CLPTM1: variants seen among roughly 807,000 people sequenced by gnomAD.
CLPTM1 encodes putative lipid scramblase CLPTM1.
CLPTM1 carries 21 observed loss-of-function variants against 77.3 expected under a neutral mutation model. That is an observed-to-expected ratio of 0.27 (90% CI 0.19 to 0.39). CLPTM1 has a LOEUF of 0.39. Ranked by LOEUF, CLPTM1 falls within the 10% of genes least tolerant of loss-of-function variation. The pLI, the probability that CLPTM1 is intolerant of heterozygous loss-of-function variation, is 1.00. For missense variants in CLPTM1, 642 were observed against 921.2 expected (o/e 0.70, Z 3.92); for synonymous variants, 373 against 381.0 (o/e 0.98, Z 0.24).
At chr19:44,980,508 CA>C (rs74516090) in intron 5 of CLPTM1, among the ~76,000 whole-genome samples, 52,556 of 93,072 alleles carry the variant, frequency 0.56, 11,509 homozygotes, top group Middle Eastern at 0.68. Context: ...GACTCCATCT[CA>C]AAAAAAAAAA....
chr19:44,963,631 T>C (rs529656596), intron 2 of CLPTM1, among the ~76,000 whole-genome samples: 7 of 151,202 alleles, frequency 4.6e-5, no homozygotes, highest in Non-Finnish European at 1.0e-4. Flanking sequence ...AGCCTATTTT[T>C]ATTTTTGTAA....
chr19:44,975,554 GTTTTTTT>G (rs994649493), intron 4 of CLPTM1, among the ~76,000 whole-genome samples: 1 of 147,774 alleles, frequency 6.8e-6, no homozygotes, highest in Non-Finnish European at 1.5e-5. Flanking sequence ...AGTCATTCTG[GTTTTTTT>G]TTTTGTTTTT....
At chr19:44,961,194 A>G (rs539659937) in intron 1 of CLPTM1, among the ~76,000 whole-genome samples, 1 of 152,056 alleles carries the variant, frequency 6.6e-6, no homozygotes, top group African/African-American at 2.4e-5. Context: ...TGGCCTCAGG[A>G]TTAGTGTGCT....
chr19:44,992,484 C>T lies in CLPTM1; in HGVS notation c.1723+84C>T, dbSNP rs137928795. On this transcript the variant is annotated intron_variant, in intron 13 of 13. Coordinates refer to ENST00000337392, the MANE Select transcript of CLPTM1 (RefSeq NM_001294.4). This position sits in a 1 kb window ranked among gnomAD's most constrained non-coding sequence, Gnocchi z 7.7. ...AGGGCCCAGGCCTGAGGGGGTGCCA[C>T]GGCCCCAGATGGGGTGCTCAGTCTG... 5.3e-3 allele frequency: 8,494 copies of T among 1,590,682 alleles called. 49 individuals are homozygous for T. Among genetic ancestry groups the T allele is most frequent in the Middle Eastern group, 0.038 (225 of 5,972 alleles).
chr19:44,992,135 G>T lies in CLPTM1; in HGVS notation c.1556-98G>T, dbSNP rs964056677. 1.1e-5 allele frequency: 14 copies of T among 1,289,386 alleles called. No individual in the cohort carries two copies. The highest frequency in any genetic ancestry group is 1.5e-5 in the Non-Finnish European group (14 of 910,512). The allele number at this position is 1,289,386 out of a possible 1,614,324, so 79.9% of individuals were successfully genotyped here. On this transcript the variant is annotated intron_variant, in intron 12 of 13. Transcript: ENST00000337392. This position sits in a 1 kb window ranked among gnomAD's most constrained non-coding sequence, Gnocchi z 7.7. Reference sequence around the variant, plus strand: ...ATAGGAAGTGGTAGAGTGTGCCCAGGTGTAGGAAGTGGTGAGGGGGCTGGT... The same window carrying T: ...ATAGGAAGTGGTAGAGTGTGCCCAGTTGTAGGAAGTGGTGAGGGGGCTGGT...
chr19:44,985,659 G>A (rs928563923), intron 6 of CLPTM1, among the ~76,000 whole-genome samples: 1 of 152,176 alleles, frequency 6.6e-6, no homozygotes, highest in African/African-American at 2.4e-5. Context: ...GCTCAGCCTG[G>A]CTCCAAGCAC....
Position 44,991,059 on chromosome 19 carries a change from A to G in CLPTM1, c.1419+114A>G, listed in dbSNP as rs1452625257. The G allele has an allele frequency of 1.2e-5, 15 of 1,294,552 alleles. No individual in the cohort carries two copies. The highest frequency in any genetic ancestry group is 1.6e-5 in the Non-Finnish European group (15 of 916,908). 80.2% of individuals were successfully genotyped at this position (1,294,552 alleles called of 1,614,324 possible). ...ACCCATGCTTTACAGCCTGTGCCAC[A>G]TCCTCTGTGTCCCCCATCTGCCATA... is the stretch of plus-strand genomic sequence containing the variant. On this transcript the variant is annotated intron_variant, in intron 11 of 13. Transcript: ENST00000337392. This position sits in a 1 kb window ranked among gnomAD's most constrained non-coding sequence, Gnocchi z 5.4.
In CLPTM1 at chr19:44,974,168, C is replaced by T. The variant is rs373689120; in HGVS notation, c.310-271C>T. On this transcript the variant is annotated intron_variant, in intron 3 of 13. Coordinates refer to ENST00000337392, the MANE Select transcript of CLPTM1 (RefSeq NM_001294.4). ...AGGGCAGGAGATCATTCAGGGAGCT[C>T]CTGCCCCTTCCTACCCCTAAATTCT... 3.3e-5 allele frequency among the ~76,000 whole-genome samples: 5 copies of T among 152,184 alleles called. No homozygotes were observed. The South Asian group carries it at 6.2e-4, about 19-fold the overall frequency.
At chr19:44,985,389 A>G in intron 6 of CLPTM1, 86 bp downstream of exon 6, 1 of 912,592 alleles carries the variant, frequency 1.1e-6, no homozygotes, top group Admixed American at 2.0e-5. Flanking sequence ...GTCATCTGTC[A>G]CCACCACTGA....
intron 2 of CLPTM1, among the ~76,000 whole-genome samples, chr19:44,965,173 GAGAT>G (rs1469538695): frequency 2.0e-5 from 3 of 152,100 alleles, no homozygotes; most frequent in African/African-American, 4.8e-5. Flanking sequence ...CCCTACTTAT[GAGAT>G]AGAAGGAATT....
At chr19:44,985,136 C>G in intron 5 of CLPTM1, 82 bp from the exon 6 acceptor site, 1 of 935,158 alleles carries the variant, frequency 1.1e-6, no homozygotes, top group Non-Finnish European at 1.7e-6. Flanking sequence ...TGAGCCGTTG[C>G]TGGTGGGCAG....
rs781370460 is a variant in CLPTM1 at position 44,993,035 on chromosome 19, C to T, written c.*138C>T. 9.0e-7 allele frequency: 1 copy of T among 1,105,072 alleles called. No individual in the cohort carries two copies. 68.5% of individuals were successfully genotyped at this position (1,105,072 alleles called of 1,614,324 possible). On this transcript the variant is annotated 3_prime_UTR_variant, in exon 14 of 14. Coordinates refer to ENST00000337392, the MANE Select transcript of CLPTM1 (RefSeq NM_001294.4). ...GGGAGGCCCGCCTCAGGTCAGGGCC[C>T]AGCGTGTGATGTAGGGGCCGGGGCA...
chr19:44,986,210 A>G (rs1970975116), intron 6 of CLPTM1, among the ~76,000 whole-genome samples: 1 of 151,546 alleles, frequency 6.6e-6, no homozygotes, highest in Non-Finnish European at 1.5e-5. Context: ...AGAAAGAAAG[A>G]AAAGAAGCTG....
At chr19:44,967,086 G>A (rs868544157) in intron 2 of CLPTM1, among the ~76,000 whole-genome samples, 3 of 152,000 alleles carry the variant, frequency 2.0e-5, no homozygotes, top group African/African-American at 2.4e-5. Flanking sequence ...CGCTATCCAC[G>A]CACCTCGGGC....
chr19:44,971,360 T>C (rs1471866138), intron 2 of CLPTM1, among the ~76,000 whole-genome samples: 1 of 152,100 alleles, frequency 6.6e-6, no homozygotes, highest in Non-Finnish European at 1.5e-5. Context: ...TTTCTTAGTG[T>C]ATTAATTTTA....
At chr19:44,968,868 C>T (rs1970675260) in intron 2 of CLPTM1, among the ~76,000 whole-genome samples, 1 of 152,136 alleles carries the variant, frequency 6.6e-6, no homozygotes, top group Admixed American at 6.5e-5. Context: ...CCAGACCTTC[C>T]CCAGACGTGC....
At chr19:44,981,420 C>T (rs1017253240) in intron 5 of CLPTM1, among the ~76,000 whole-genome samples, 7 of 151,304 alleles carry the variant, frequency 4.6e-5, no homozygotes, top group African/African-American at 1.5e-4. Flanking sequence ...GGATTACAGG[C>T]GTGAGCCAAA....
chr19:44,971,871 T>TTC (rs1388860597), intron 2 of CLPTM1, among the ~76,000 whole-genome samples: 1 of 137,604 alleles, frequency 7.3e-6, no homozygotes, highest in Admixed American at 7.3e-5. Context: ...ATTATACTTT[T>TTC]TTTTTTTTTT....
Position 44,988,127 on chromosome 19 carries a change from C to G in CLPTM1, c.1086C>G (p.Ile362Met). ...CCTACCTGCTGGCGCTCACCATCAT[C>G]GTGTCTATCGTTCACAGTGTCTTCG... ...TNPYLLALTI[I>M]VSIVHSVFEF... The change falls in exon 9 of 14, where the codon ATC becomes ATG. Residue 362 changes from isoleucine to methionine, a missense_variant. This residue lies in a region of CLPTM1 where 521 missense variants were observed against 800.4 expected (regional missense o/e 0.65). Coordinates refer to ENST00000337392, the MANE Select transcript of CLPTM1 (RefSeq NM_001294.4). 1 of 1,614,170 alleles carries G rather than the reference C, an allele frequency of 6.2e-7. No homozygotes were observed. The highest frequency in any genetic ancestry group is 8.5e-7 in the Non-Finnish European group (1 of 1,180,000).
Sources: allele counts gnomAD v4.1 joint callset (sites outside exome capture counted in the v4.1 genomes callset), GRCh38; gene constraint gnomAD v4.1.1; regional missense constraint gnomAD v4.1.1; non-coding constraint Gnocchi (gnomAD v3.1); transcripts MANE v1.5; gene names NCBI Gene and HGNC (gene_info 2026-07-23, HGNC 2026-07-21).